TLR3: variants seen among roughly 807,000 people sequenced by gnomAD.
The protein encoded by TLR3 is toll like receptor 3.
In TLR3, 43 loss-of-function variants were observed where a neutral mutation model predicts 66.4. That is an observed-to-expected ratio of 0.65 (90% CI 0.51 to 0.83). The LOEUF (loss-of-function observed/expected upper bound fraction) is 0.83, where lower values mean the gene tolerates loss of function less well. Among genes scored for constraint, TLR3 ranks in the 40% least tolerant of loss-of-function variants. TLR3 has a pLI of 0.00. For missense variants in TLR3, 982 were observed against 1,044.6 expected, an observed-to-expected ratio of 0.94 and a Z score of 0.83; for synonymous variants, 397 against 397.2, an observed-to-expected ratio of 1.00 and a Z score of 0.01.
chr4:186,083,246 C>G lies in TLR3; in HGVS notation c.1560C>G (p.Asn520Lys). Residue 520 changes from asparagine (N) to lysine (K), a missense_variant, in exon 4 of 5, where the codon AAC (asparagine) becomes AAG (lysine). Coordinates refer to ENST00000296795, the MANE Select transcript of TLR3 (RefSeq NM_003265.3). The surrounding 1 kb of genome is among the most constrained non-coding windows in gnomAD (Gnocchi z 4.0). ...ATCTAAGCAACAACAACATAGCCAACATAAATGATGACATGTTGGAGGGTC... is the reference window on the plus strand; with the variant it reads ...ATCTAAGCAACAACAACATAGCCAAGATAAATGATGACATGTTGGAGGGTC... ...ILDLSNNNIA[N>K]INDDMLEGLE... 1 of 1,614,186 alleles carries G rather than the reference C, an allele frequency of 6.2e-7. No homozygotes were observed. The highest frequency in any genetic ancestry group is 8.5e-7 in the Non-Finnish European group (1 of 1,180,034).
chr4:186,080,144 G>T (rs766507708), intron 3 of TLR3, among the ~76,000 whole-genome samples: 1 of 151,682 alleles, frequency 6.6e-6, no homozygotes, highest in African/African-American at 2.4e-5. Context: ...CACTCATTTT[G>T]TTCCAGGCTA....
intron 3 of TLR3, among the ~76,000 whole-genome samples, chr4:186,081,231 T>G (rs2099303383): frequency 6.7e-6 from 1 of 148,636 alleles, no homozygotes; most frequent in African/African-American, 2.5e-5. Flanking sequence ...ATCGCACCAC[T>G]GCACTCCACC....
rs943983127 is a variant in TLR3, at chr4:186,086,043, T to A, written c.*1170T>A. On this transcript the variant is annotated 3_prime_UTR_variant, in exon 5 of 5. Transcript: ENST00000296795. Reference sequence around the variant, plus strand: ...CATGCCTGGCTAATTTTTGTATTTTTAGTAGAGATGGGGTTTCACCATGTT... The same window carrying A: ...CATGCCTGGCTAATTTTTGTATTTTAAGTAGAGATGGGGTTTCACCATGTT... 6.6e-6 allele frequency: 1 copy of A among 152,176 alleles called. No homozygotes were observed. Among genetic ancestry groups the A allele is most frequent in the Non-Finnish European group, 1.5e-5 (1 of 68,060 alleles). The allele number at this position is 152,176 out of a possible 1,614,324, so 9.4% of individuals were successfully genotyped here. A position where few individuals can be genotyped will look rare whatever the true frequency, so the allele number is the denominator to read the frequency against.
At chr4:186,079,173 G>T in intron 3 of TLR3, 142 bp downstream of exon 3, 2 of 814,700 alleles carry the variant, frequency 2.5e-6, no homozygotes, top group Non-Finnish European at 3.9e-6. Context: ...GGGGGCATTG[G>T]TGTCATCCTC....
In TLR3 at chr4:186,084,707, T is replaced by G. The variant is rs1411600073; in HGVS notation, c.2549T>G (p.Val850Gly). ...IEQNLDSIIL[V>G]FLEEIPDYKL... ...CAAAATCTGGATTCCATTATATTGG[T>G]TTTCCTTGAGGAGATTCCAGATTAT... is the stretch of plus-strand genomic sequence containing the variant. Residue 850 changes from valine (V) to glycine (G), a missense_variant, in exon 5 of 5, where the codon GTT (valine) becomes GGT (glycine). Physicochemically the swap from Val to Gly is moderately radical, Grantham distance 109 (BLOSUM62 -3). This residue lies in a region of TLR3 where 666 missense variants were observed against 709.0 expected (regional missense o/e 0.94). Transcript: ENST00000296795. 1 of 1,614,026 alleles carries G rather than the reference T, an allele frequency of 6.2e-7. No homozygotes were observed. Among genetic ancestry groups the G allele is most frequent in the South Asian group, 1.1e-5 (1 of 91,078 alleles).
rs1267396880 is a variant in TLR3, at chr4:186,078,920, A to C, written c.522A>C (p.Gln174His). 10 of 1,614,004 alleles carry C rather than the reference A, an allele frequency of 6.2e-6. No individual in the cohort carries two copies. Among genetic ancestry groups the C allele is most frequent in the Non-Finnish European group, 8.5e-6 (10 of 1,179,996 alleles). The change falls in exon 3 of 5, where the codon CAA becomes CAC. Residue 174 changes from glutamine to histidine, a missense_variant. Transcript: ENST00000296795. The part of the protein sequence containing the change: ...LGTQVQLENL[Q>H]ELLLSNNKIQ... ...CTCAGGTTCAGCTGGAAAATCTCCA[A>C]GAGCTTCTATTATCAAACAATAAAA...
At chr4:186,081,271 A>C in intron 3 of TLR3, among the ~76,000 whole-genome samples, 2 of 48,468 alleles carry the variant, frequency 4.1e-5, no homozygotes, top group East Asian at 1.6e-3. Context: ...TCTGTCTCAA[A>C]AAAAAAAAAA....
rs537850569 is a variant in TLR3 at position 186,079,130 on chromosome 4, C to T, written c.633+99C>T. ...GAATGTAATGCTCTCTAGCCTCTGCCTGTCTTCCAGCAATCCTTCCCACCT... is the reference window on the plus strand; with the variant it reads ...GAATGTAATGCTCTCTAGCCTCTGCTTGTCTTCCAGCAATCCTTCCCACCT... On this transcript the variant is annotated intron_variant, in intron 3 of 4. Transcript: ENST00000296795. 3.6e-6 allele frequency: 4 copies of T among 1,114,086 alleles called. No individual in the cohort carries two copies. In the African/African-American group the frequency reaches 6.3e-5, roughly 17 times the overall value. 69.0% of individuals were successfully genotyped at this position (1,114,086 alleles called of 1,614,324 possible).
At chr4:186,076,203 TAAAGA>T (rs762357694) in intron 1 of TLR3, among the ~76,000 whole-genome samples, 32 of 151,956 alleles carry the variant, frequency 2.1e-4, no homozygotes, top group Admixed American at 6.6e-4. Context: ...CAAAATTAAC[TAAAGA>T]AAAGTTGTGA....
In TLR3 at chr4:186,083,674, A is replaced by G. The variant is rs2099303906; in HGVS notation, c.1988A>G (p.Glu663Gly). The G allele has an allele frequency of 3.8e-6, 6 of 1,598,134 alleles. No individual in the cohort carries two copies. The highest frequency in any genetic ancestry group is 1.3e-5 in the African/African-American group (1 of 74,466). The change falls in exon 4 of 5, where the codon GAG becomes GGG. Residue 663 changes from glutamate (E) to glycine (G), a missense_variant. Transcript: ENST00000296795. The surrounding 1 kb of genome is among the most constrained non-coding windows in gnomAD (Gnocchi z 4.0). ...SIAWFVNWINETHTNIPELSS... is the reference protein window; with the variant it reads ...SIAWFVNWINGTHTNIPELSS... ...GCCTGGTTTGTTAATTGGATTAACGAGACCCATACCAACATCCCTGAGCTG... is the reference window on the plus strand; with the variant it reads ...GCCTGGTTTGTTAATTGGATTAACGGGACCCATACCAACATCCCTGAGCTG...
At chr4:186,084,404 A>G (rs185879497) in intron 4 of TLR3, among the ~76,000 whole-genome samples, 7 of 152,106 alleles carry the variant, frequency 4.6e-5, no homozygotes, top group Admixed American at 4.6e-4. Flanking sequence ...TATTTTTATT[A>G]GAGATGGGGT....
At chr4:186,076,333 T>C (rs2099302448) in intron 1 of TLR3, among the ~76,000 whole-genome samples, 1 of 152,170 alleles carries the variant, frequency 6.6e-6, no homozygotes, top group Admixed American at 6.5e-5. Context: ...GAATTACAGA[T>C]AGAACCTATC....
chr4:186,082,474 C>G lies in TLR3; in HGVS notation c.788C>G (p.Thr263Ser), dbSNP rs901201199. 2 of 1,614,042 alleles carry G rather than the reference C, an allele frequency of 1.2e-6. No homozygotes were observed. The highest frequency in any genetic ancestry group is 2.7e-5 in the African/African-American group (2 of 74,914). Residue 263 changes from threonine to serine, a missense_variant, in exon 4 of 5, where the codon ACC becomes AGC. Physicochemically the swap from Thr to Ser is moderately conservative, Grantham distance 58. This residue lies in a region of TLR3 where 313 missense variants were observed against 319.0 expected (regional missense o/e 0.98). Coordinates refer to ENST00000296795, the MANE Select transcript of TLR3 (RefSeq NM_003265.3). ...LSLSNSQLSTTSNTTFLGLKW... is the reference protein window; with the variant it reads ...LSLSNSQLSTSSNTTFLGLKW... ...CTGAGTAACAGCCAGCTGTCCACCACCAGCAATACAACTTTCTTGGGACTA... is the reference window on the plus strand; with the variant it reads ...CTGAGTAACAGCCAGCTGTCCACCAGCAGCAATACAACTTTCTTGGGACTA...
chr4:186,071,290 C>T (rs1235933140), intron 1 of TLR3, among the ~76,000 whole-genome samples: 2 of 152,176 alleles, frequency 1.3e-5, no homozygotes, highest in Non-Finnish European at 2.9e-5. Context: ...CAGGGATATG[C>T]TTTGTAATGG....
chr4:186,078,788 A>T, intron 2 of TLR3, 52 bp from the exon 3 acceptor site: 1 of 1,501,336 alleles, frequency 6.7e-7, no homozygotes, highest in Non-Finnish European at 9.2e-7. Context: ...ATTTAAAAGA[A>T]CTGTTTTTGA....
In TLR3 at chr4:186,084,769, T is replaced by C; in HGVS notation, c.2611T>C (p.Phe871Leu). 6.2e-7 allele frequency: 1 copy of C among 1,614,098 alleles called. No homozygotes were observed. ...TGCACTCTGTTTGCGAAGAGGAATG[T>C]TTAAATCTCACTGCATCTTGAACTG... Reference protein sequence around the residue: ...NHALCLRRGMFKSHCILNWPV... With the variant: ...NHALCLRRGMLKSHCILNWPV... Residue 871 changes from phenylalanine (F) to leucine (L), a missense_variant, in exon 5 of 5, where the codon TTT becomes CTT. Around this residue, in one of 3 missense-constraint regions of TLR3, gnomAD observed 666 missense variants for 709.0 expected, o/e 0.94. Transcript: ENST00000296795.
At chr4:186,070,211 T>G (rs2099301200) in intron 1 of TLR3, among the ~76,000 whole-genome samples, 1 of 152,242 alleles carries the variant, frequency 6.6e-6, no homozygotes, top group African/African-American at 2.4e-5. Flanking sequence ...ATCCTTTAAC[T>G]GCATTTTTGC....
At chr4:186,071,493 A>C (rs1004765988) in intron 1 of TLR3, among the ~76,000 whole-genome samples, 2 of 152,244 alleles carry the variant, frequency 1.3e-5, no homozygotes, top group East Asian at 3.8e-4. Context: ...GGTCCCCAGC[A>C]TTTGAGAGGT....
intron 1 of TLR3, among the ~76,000 whole-genome samples, chr4:186,070,176 G>A (rs970370050): frequency 3.3e-5 from 5 of 151,842 alleles, no homozygotes; most frequent in Non-Finnish European, 7.4e-5. Context: ...TCATTCAACA[G>A]CAACGTTTTC....
Sources: gnomAD v4.1 joint callset for allele counts (sites outside exome capture counted in the v4.1 genomes callset) on GRCh38, gnomAD v4.1.1 for gene constraint, gnomAD v4.1.1 regional missense constraint, Gnocchi (gnomAD v3.1) non-coding constraint, MANE v1.5 for transcripts, NCBI Gene and HGNC (gene_info 2026-07-23, HGNC 2026-07-21) for gene names.